The following POU2AF3 variants were observed in gnomAD, a reference collection of about 807,000 sequenced individuals.
POU2AF3 encodes the protein POU class 2 homeobox associating factor 3.
At chr11:111,308,463 G>T in the POU2AF3 span, 2 of 1,518,512 alleles carry the variant, frequency 1.3e-6, no homozygotes, top group African/African-American at 1.4e-5. Context: ...TTCAGAACAT[G>T]GCATGGGTAT....
chr11:111,305,203 T>A, the POU2AF3 span, among the ~76,000 whole-genome samples: 1 of 152,226 alleles, frequency 6.6e-6, no homozygotes, highest in Admixed American at 6.5e-5. Flanking sequence ...TCTGCTATAT[T>A]GTCTCAAGAG....
the POU2AF3 span, chr11:111,298,826 G>GCGGCCC: frequency 2.5e-6 from 2 of 790,962 alleles, no homozygotes; most frequent in Non-Finnish European, 3.4e-6. Flanking sequence ...CGTACCCCAG[G>GCGGCCC]CCCCCGCCCG....
At chr11:111,300,947 G>T in the POU2AF3 span, among the ~76,000 whole-genome samples, 107,666 of 152,072 alleles carry the variant, frequency 0.71, 38,322 homozygotes, top group South Asian at 0.83. Flanking sequence ...GAAGACAGTG[G>T]ATATATGTAC....
the POU2AF3 span, chr11:111,298,826 G>GCGGGGGCCCCC: frequency 6.3e-6 from 5 of 790,962 alleles, no homozygotes; most frequent in Non-Finnish European, 8.5e-6. Flanking sequence ...CGTACCCCAG[G>GCGGGGGCCCCC]CCCCCGCCCG....
chr11:111,305,284 C>G, the POU2AF3 span, among the ~76,000 whole-genome samples: 1 of 152,172 alleles, frequency 6.6e-6, no homozygotes, highest in African/African-American at 2.4e-5. Flanking sequence ...CAGAATTGTT[C>G]TCAGGAACTT....
the POU2AF3 span, chr11:111,299,511 C>A: frequency 1.7e-6 from 2 of 1,154,182 alleles, no homozygotes; most frequent in Admixed American, 9.5e-5. Context: ...TCCCTCCCAG[C>A]GAACCCCTCT....
chr11:111,305,814 T>C, the POU2AF3 span, among the ~76,000 whole-genome samples: 3 of 152,264 alleles, frequency 2.0e-5, no homozygotes, highest in Non-Finnish European at 4.4e-5. Context: ...TTGCTTTTTG[T>C]ACTTCCGAGC....
chr11:111,304,979 G>T, the POU2AF3 span: 1 of 1,232,508 alleles, frequency 8.1e-7, no homozygotes, highest in East Asian at 3.2e-5. Flanking sequence ...ACCATCTTCT[G>T]CAGGTCAGTA....
At chr11:111,307,506 G>A in the POU2AF3 span, among the ~76,000 whole-genome samples, 1 of 152,146 alleles carries the variant, frequency 6.6e-6, no homozygotes, top group South Asian at 2.1e-4. Context: ...CTCCAAGTTA[G>A]GTTTTCTCAG....
chr11:111,302,831 G>T, the POU2AF3 span, among the ~76,000 whole-genome samples: 1 of 152,160 alleles, frequency 6.6e-6, no homozygotes, highest in East Asian at 1.9e-4. Context: ...ATGGATCTGG[G>T]ATTCTAAAGA....
At chr11:111,299,167 A>G in the POU2AF3 span, 1 of 949,716 alleles carries the variant, frequency 1.1e-6, no homozygotes, top group Non-Finnish European at 1.3e-6. Context: ...GGGAGACCCT[A>G]ACTCCTGGAA....
the POU2AF3 span, chr11:111,304,974 C>T: frequency 8.1e-7 from 1 of 1,232,714 alleles, no homozygotes; most frequent in Non-Finnish European, 1.0e-6. Flanking sequence ...GTTGCACCAT[C>T]TTCTGCAGGT....
chr11:111,300,025 A>C, the POU2AF3 span: 1 of 396,530 alleles, frequency 2.5e-6, no homozygotes, highest in Non-Finnish European at 4.4e-6. Context: ...CAGGCGGAGA[A>C]GGAAGGGACT....
chr11:111,305,041 A>T, the POU2AF3 span: 2 of 1,041,510 alleles, frequency 1.9e-6, no homozygotes, highest in Non-Finnish European at 2.5e-6. Context: ...CCATCTCAAA[A>T]GTCTTTCAGT....
At chr11:111,298,826 G>GGGGGGGGCCCCCC in the POU2AF3 span, 6 of 790,956 alleles carry the variant, frequency 7.6e-6, no homozygotes, top group Non-Finnish European at 1.0e-5. Context: ...CGTACCCCAG[G>GGGGGGGGCCCCCC]CCCCCGCCCG....
chr11:111,306,755 G>A, the POU2AF3 span: 1 of 716,652 alleles, frequency 1.4e-6, no homozygotes, highest in Non-Finnish European at 2.3e-6. Context: ...GAAACAAGCA[G>A]AGAAGAATTT....
the POU2AF3 span, chr11:111,308,482 T>G: frequency 1.3e-6 from 2 of 1,491,322 alleles, no homozygotes; most frequent in East Asian, 2.5e-5. Context: ...ATATCTATTT[T>G]TCTACCACGT....
At chr11:111,301,602 G>A in the POU2AF3 span, among the ~76,000 whole-genome samples, 1 of 152,190 alleles carries the variant, frequency 6.6e-6, no homozygotes, top group Admixed American at 6.5e-5. Flanking sequence ...GTAAACACAG[G>A]TTCCAGAACC....
At chr11:111,298,826 G>GCGGGGGGGGGGGCCC in the POU2AF3 span, 1 of 790,962 alleles carries the variant, frequency 1.3e-6, no homozygotes, top group Non-Finnish European at 1.7e-6. Flanking sequence ...CGTACCCCAG[G>GCGGGGGGGGGGGCCC]CCCCCGCCCG....
Sources: gnomAD v4.1 joint callset for allele counts (sites outside exome capture counted in the v4.1 genomes callset) on GRCh38, gnomAD v4.1.1 for gene constraint, MANE v1.5 for transcripts, NCBI Gene and HGNC (gene_info 2026-07-23, HGNC 2026-07-21) for gene names.